PPEF2: variants seen among roughly 807,000 people sequenced by gnomAD.
The protein encoded by PPEF2 is protein phosphatase with EF-hand domain 2, also known as serine/threonine-protein phosphatase with EF-hands 2.
PPEF2 carries 84 observed loss-of-function variants against 84.7 expected under a neutral mutation model. That is an observed-to-expected ratio of 0.99 (90% CI 0.83 to 1.19). The LOEUF is 1.19. Ranked by LOEUF, PPEF2 falls within the 50% of genes most tolerant of loss-of-function variation. The pLI, the probability that PPEF2 is intolerant of heterozygous loss-of-function variation, is 0.00. For synonymous variants in PPEF2, 346 were observed against 345.2 expected (o/e 1.00, Z -0.03); for missense variants, 924 against 937.5 (o/e 0.99, Z 0.19).
intron 7 of PPEF2, among the ~76,000 whole-genome samples, chr4:75,885,865 C>T (rs867239950): frequency 1.3e-5 from 2 of 152,032 alleles, no homozygotes; most frequent in South Asian, 2.1e-4. Context: ...AAAAATTAGC[C>T]GGGCGTGGTG....
chr4:75,868,230 C>T (rs1724181059), intron 13 of PPEF2, among the ~76,000 whole-genome samples: 1 of 138,538 alleles, frequency 7.2e-6, no homozygotes, highest in African/African-American at 2.6e-5. Context: ...GTGGGAGGAT[C>T]ACTTGAACCC....
intron 7 of PPEF2, 103 bp from the exon 8 acceptor site, chr4:75,884,863 A>G (rs1253990310): frequency 1.1e-5 from 11 of 1,003,044 alleles, no homozygotes; most frequent in African/African-American, 8.0e-5. Flanking sequence ...TCTAACACCA[A>G]TTCTGTGCTT....
intron 4 of PPEF2, 71 bp from the exon 5 acceptor site, chr4:75,890,203 GTCCT>G: frequency 6.5e-7 from 1 of 1,540,466 alleles, no homozygotes; most frequent in Non-Finnish European, 8.9e-7. Flanking sequence ...CTATAGAATA[GTCCT>G]TGGCTGGGCA....
intron 5 of PPEF2, chr4:75,888,965 A>G (rs150486941): frequency 0.03 from 4,610 of 152,792 alleles, 268 homozygotes; most frequent in African/African-American, 0.11. Flanking sequence ...TAATCCCAGC[A>G]CTTTGGGAGG....
intron 11 of PPEF2, among the ~76,000 whole-genome samples, chr4:75,875,619 A>C (rs780733279): frequency 6.6e-6 from 1 of 152,178 alleles, no homozygotes. Context: ...AAGAAAAACA[A>C]AAACAAAAAC....
chr4:75,873,248 C>T lies in PPEF2; in HGVS notation c.1385G>A (p.Gly462Glu), dbSNP rs1724327855. Residue 462 changes from glycine (G) to glutamate (E), a missense_variant, in exon 12 of 17, where the codon GGA (glycine) becomes GAA (glutamate). By Grantham distance (98) the Gly-to-Glu change is moderately conservative (BLOSUM62 -2). Coordinates refer to ENST00000286719, the MANE Select transcript of PPEF2 (RefSeq NM_006239.3). ...ATCAGGCCCAAAATAACAGCCTCCT[C>T]CTCGAATAGTGTTGGCCTTGCAGCC... ...QEGCKANTIR[G>E]GGCYFGPDVT... 2 of 1,614,170 alleles carry T rather than the reference C, an allele frequency of 1.2e-6. No individual in the cohort carries two copies. Among genetic ancestry groups the T allele is most frequent in the African/African-American group, 1.3e-5 (1 of 75,052 alleles).
chr4:75,886,245 C>T (rs139115739), intron 7 of PPEF2, among the ~76,000 whole-genome samples: 1 of 152,316 alleles, frequency 6.6e-6, no homozygotes, highest in Non-Finnish European at 1.5e-5. Flanking sequence ...CTCAGTTGGC[C>T]TCGGATAGCC....
intron 2 of PPEF2, 64 bp downstream of exon 2, chr4:75,896,206 AC>A (rs1261093437): frequency 1.3e-6 from 2 of 1,552,924 alleles, no homozygotes; most frequent in Non-Finnish European, 1.8e-6. Flanking sequence ...AGAACCCCCA[AC>A]CCTCTCCATG....
At chr4:75,878,900 C>T (rs1331357329) in intron 10 of PPEF2, among the ~76,000 whole-genome samples, 2 of 152,162 alleles carry the variant, frequency 1.3e-5, no homozygotes, top group Admixed American at 6.5e-5. Context: ...TCGACTCAAA[C>T]TCGTGTTCTT....
chr4:75,882,762 A>G (rs2149221934), intron 10 of PPEF2, 164 bp downstream of exon 10: 1 of 660,622 alleles, frequency 1.5e-6, no homozygotes, highest in Middle Eastern at 3.7e-4. Flanking sequence ...TAAAGTGCTG[A>G]GTTTATAGGT....
rs553967381 is a variant in PPEF2 at position 75,895,443 on chromosome 4, A to T, written c.55+828T>A. On this transcript the variant is annotated intron_variant, in intron 2 of 16. Transcript: ENST00000286719. ...AACTCGGTCTCAAAAACAAAAAAAA[A>T]TTTTTTAGGTTGGGCACGGTGGCTC... Among the ~76,000 whole-genome samples, 74 of 134,176 alleles carry T rather than the reference A, an allele frequency of 5.5e-4. 1 individual carries two copies. Among genetic ancestry groups the T allele is most frequent in the African/African-American group, 1.9e-3 (68 of 34,998 alleles). 88.0% of individuals were successfully genotyped at this position (134,176 alleles called of 152,430 possible). A position where few individuals can be genotyped will look rare whatever the true frequency, so the allele number is the denominator to read the frequency against.
At position 75,890,215 on chromosome 4, in the gene PPEF2, G is replaced by A. The variant is rs1724844372; in HGVS notation, c.242-83C>T. 3 of 1,471,560 alleles carry A rather than the reference G, an allele frequency of 2.0e-6. No homozygotes were observed. The South Asian group carries it at 3.8e-5, about 19-fold the overall frequency. 91.2% of individuals were successfully genotyped at this position (1,471,560 alleles called of 1,614,324 possible). A position where few individuals can be genotyped will look rare whatever the true frequency, so the allele number is the denominator to read the frequency against. On this transcript the variant is annotated intron_variant, in intron 4 of 16. Coordinates refer to ENST00000286719, the MANE Select transcript of PPEF2 (RefSeq NM_006239.3). ...GCACTATAGAATAGTCCTTGGCTGG[G>A]CACGGTGGCTCTCTAATCCCAGAAA... is the stretch of plus-strand genomic sequence containing the variant.
chr4:75,886,394 C>T (rs1578012031), intron 7 of PPEF2, among the ~76,000 whole-genome samples: 1 of 152,252 alleles, frequency 6.6e-6, no homozygotes, highest in Non-Finnish European at 1.5e-5. Flanking sequence ...GAAAGGCGGC[C>T]GCCCCTCACC....
chr4:75,879,645 T>C (rs1471876180), intron 10 of PPEF2, among the ~76,000 whole-genome samples: 1 of 152,138 alleles, frequency 6.6e-6, no homozygotes, highest in Non-Finnish European at 1.5e-5. Flanking sequence ...TCAGAACTGA[T>C]ATTCTTTTTC....
At chr4:75,886,254 C>T (rs1033849719) in intron 7 of PPEF2, among the ~76,000 whole-genome samples, 1 of 152,194 alleles carries the variant, frequency 6.6e-6, no homozygotes, top group Non-Finnish European at 1.5e-5. Context: ...CCTCGGATAG[C>T]CAGTCTCCCA....
chr4:75,891,860 G>A lies in PPEF2; in HGVS notation c.174C>T (p.Asp58=). Residue 58 remains aspartate, a synonymous_variant, in exon 3 of 17, where the codon GAC becomes GAT. Transcript: ENST00000286719. ...FQSIEYAGQQ[D]QVKLHDFFSY... ...CCACATCTCATTGTACCTTGACTTG[G>A]TCTTGCTGCCCAGCATATTCTATAG... is the stretch of plus-strand genomic sequence containing the variant. 1.2e-6 allele frequency: 2 copies of A among 1,612,128 alleles called. No individual in the cohort carries two copies. The highest frequency in any genetic ancestry group is 3.3e-5 in the Admixed American group (2 of 59,992).
chr4:75,891,961 G>A lies in PPEF2; in HGVS notation c.73C>T (p.Leu25=). Residue 25 remains leucine (L), a synonymous_variant, in exon 3 of 17, where the codon CTG becomes TTG. Transcript: ENST00000286719. The stretch of plus-strand genomic sequence containing the variant: ...TAGCGCCGGTACCATCTCTGGATCA[G>A]GGCTGCTGCCTTGAAGGCTATGACA... ...NAERAFKAAA[L]IQRWYRRYVA... is the part of the protein sequence containing the mutation. 6.2e-7 allele frequency: 1 copy of A among 1,613,944 alleles called. No homozygotes were observed. Among genetic ancestry groups the A allele is most frequent in the Non-Finnish European group, 8.5e-7 (1 of 1,179,838 alleles).
intron 7 of PPEF2, among the ~76,000 whole-genome samples, chr4:75,886,450 C>G (rs1724728175): frequency 6.6e-6 from 1 of 152,166 alleles, no homozygotes; most frequent in South Asian, 2.1e-4. Context: ...TTAAACTGTT[C>G]GTAGATGACC....
chr4:75,876,200 T>C lies in PPEF2; in HGVS notation c.1320+87A>G, dbSNP rs919913439. 159 of 1,485,778 alleles carry C rather than the reference T, an allele frequency of 1.1e-4. No individual in the cohort carries two copies. In the African/African-American group the frequency reaches 2.1e-3, roughly 20 times the overall value. The allele number at this position is 1,485,778 out of a possible 1,614,324, so 92.0% of individuals were successfully genotyped here. A position where few individuals can be genotyped will look rare whatever the true frequency, so the allele number is the denominator to read the frequency against. ...TACCCCAGAAAGAGAAAGAGGGGCC[T>C]CAAAACATATCCTGAGTTTCCCTGG... On this transcript the variant is annotated intron_variant, in intron 11 of 16. Coordinates refer to ENST00000286719, the MANE Select transcript of PPEF2 (RefSeq NM_006239.3).
Sources: allele counts gnomAD v4.1 joint callset (sites outside exome capture counted in the v4.1 genomes callset), GRCh38; gene constraint gnomAD v4.1.1; transcripts MANE v1.5; gene names NCBI Gene and HGNC (gene_info 2026-07-23, HGNC 2026-07-21).